The following GATA4 variants were observed in gnomAD, a reference collection of about 807,000 sequenced individuals.
GATA4 encodes the protein transcription factor GATA-4.
A neutral mutation model predicts 37.9 loss-of-function variants in GATA4; 7 were observed. The ratio of observed to expected loss-of-function variants is 0.18; its 90% CI spans 0.11 to 0.35. GATA4 has a LOEUF of 0.35. Among genes scored for constraint, GATA4 ranks in the 10% least tolerant of loss-of-function variants. The probability of loss-of-function intolerance (pLI) is 1.00; values close to 1 mark genes in which losing one functional copy is unlikely to be tolerated. For missense variants in GATA4, 647 were observed against 653.0 expected (o/e 0.99, Z 0.10); for synonymous variants, 372 against 292.6 (o/e 1.27, Z -2.77).
chr8:11,755,259 C>A (rs1802499078), intron 5 of GATA4, 126 bp downstream of exon 5: 2 of 736,172 alleles, frequency 2.7e-6, no homozygotes. Flanking sequence ...CATCGGACAT[C>A]CCTGGCCTTT....
At chr8:11,725,832 A>T (rs905120272) in intron 2 of GATA4, among the ~76,000 whole-genome samples, 1 of 152,180 alleles carries the variant, frequency 6.6e-6, no homozygotes, top group African/African-American at 2.4e-5. Context: ...AGTGCATGAA[A>T]GCCAGTGGCG....
At chr8:11,680,533 G>A in intron 1 of GATA4, 3 of 985,464 alleles carry the variant, frequency 3.0e-6, no homozygotes, top group Non-Finnish European at 3.6e-6. Flanking sequence ...GACGGGTGTC[G>A]CGCCGACGTC....
At chr8:11,750,444 A>G (rs1457449140) in intron 4 of GATA4, among the ~76,000 whole-genome samples, 1 of 152,232 alleles carries the variant, frequency 6.6e-6, no homozygotes, top group Non-Finnish European at 1.5e-5. Context: ...AGCAGGCTAC[A>G]TTTATATGTA....
At chr8:11,740,914 A>G (rs973153347) in intron 2 of GATA4, among the ~76,000 whole-genome samples, 1 of 151,962 alleles carries the variant, frequency 6.6e-6, no homozygotes, top group Non-Finnish European at 1.5e-5. Context: ...TTATATTTTT[A>G]GTAGAGACAG....
intron 2 of GATA4, among the ~76,000 whole-genome samples, chr8:11,738,734 C>T (rs1362980332): frequency 2.0e-5 from 3 of 152,216 alleles, no homozygotes; most frequent in East Asian, 1.9e-4. Flanking sequence ...CCACTGGCTG[C>T]GGGGCTGTAG....
At chr8:11,734,707 C>T (rs1397527938) in intron 2 of GATA4, among the ~76,000 whole-genome samples, 1 of 152,132 alleles carries the variant, frequency 6.6e-6, no homozygotes, top group Non-Finnish European at 1.5e-5. Context: ...TCAGTCTGGT[C>T]TCGAACTCTT....
intron 2 of GATA4, among the ~76,000 whole-genome samples, chr8:11,713,650 G>GA (rs905497305): frequency 6.7e-6 from 1 of 150,074 alleles, no homozygotes; most frequent in Non-Finnish European, 1.5e-5. Flanking sequence ...AAAAAAAAAA[G>GA]AAAAAAAAGA....
chr8:11,746,452 T>C (rs899743906), intron 2 of GATA4, among the ~76,000 whole-genome samples: 2 of 152,172 alleles, frequency 1.3e-5, no homozygotes, highest in African/African-American at 2.4e-5. Context: ...ACAAGGCCTC[T>C]ATGTCCAAGT....
At chr8:11,697,998 C>A (rs1372430336) in intron 1 of GATA4, 2 of 985,348 alleles carry the variant, frequency 2.0e-6, no homozygotes, top group Non-Finnish European at 2.4e-6. Flanking sequence ...CTGTCCTCCC[C>A]GGGAGCTGGG....
chr8:11,695,809 G>A (rs760726398), intron 1 of GATA4, among the ~76,000 whole-genome samples: 2 of 152,156 alleles, frequency 1.3e-5, no homozygotes, highest in Non-Finnish European at 2.9e-5. Context: ...GTGCACCGGC[G>A]CTCGTATGTT....
At chr8:11,678,469 T>C (rs1173308107) in intron 1 of GATA4, among the ~76,000 whole-genome samples, 2 of 152,246 alleles carry the variant, frequency 1.3e-5, no homozygotes, top group African/African-American at 4.8e-5. Flanking sequence ...TTACCCTTGC[T>C]AATGTTTTCC....
At position 11,716,572 on chromosome 8, in the gene GATA4, T is replaced by C. The variant is rs1051943287; in HGVS notation, c.616+7644T>C. The stretch of plus-strand genomic sequence containing the variant: ...GAGAGGGGGAAATCTCTACTCCTGG[T>C]CTCAGTGCTGGTAGTGGATCTAAAT... On this transcript the variant is annotated intron_variant, in intron 2 of 6. Transcript: ENST00000532059. 1.4e-4 allele frequency among the ~76,000 whole-genome samples: 21 copies of C among 152,210 alleles called. 1 individual carries two copies. Among genetic ancestry groups the C allele is most frequent in the African/African-American group, 4.8e-4 (20 of 41,454 alleles).
chr8:11,714,098 C>T (rs1461238353), intron 2 of GATA4, among the ~76,000 whole-genome samples: 4 of 152,008 alleles, frequency 2.6e-5, no homozygotes, highest in East Asian at 1.9e-4. Flanking sequence ...TATGCCTTGA[C>T]GGATATATGG....
At chr8:11,724,294 T>A (rs150501293) in intron 2 of GATA4, among the ~76,000 whole-genome samples, 14 of 152,338 alleles carry the variant, frequency 9.2e-5, no homozygotes, top group Non-Finnish European at 1.9e-4. Flanking sequence ...CAAATATCTA[T>A]TCACCTCCCT....
In GATA4 at chr8:11,755,236, G is replaced by T. The variant is rs113049875; in HGVS notation, c.1000+103G>T. 6.6e-4 allele frequency: 604 copies of T among 914,874 alleles called. 7 individuals are homozygous for T. The highest frequency in any genetic ancestry group is 5.5e-3 in the South Asian group (400 of 72,356). The allele number at this position is 914,874 out of a possible 1,614,324, so 56.7% of individuals were successfully genotyped here. ...TAGGCAGGCCAGCCCGGGCCGCCAGGGGGTGGTGACAGCATCGGACATCCC... is the reference window on the plus strand; with the variant it reads ...TAGGCAGGCCAGCCCGGGCCGCCAGTGGGTGGTGACAGCATCGGACATCCC... On this transcript the variant is annotated intron_variant, in intron 5 of 6. Coordinates refer to ENST00000532059, the MANE Select transcript of GATA4 (RefSeq NM_001308093.3).
At chr8:11,718,250 G>A (rs1293156875) in intron 2 of GATA4, among the ~76,000 whole-genome samples, 2 of 152,204 alleles carry the variant, frequency 1.3e-5, no homozygotes, top group African/African-American at 4.8e-5. Context: ...CTTGTTTCTG[G>A]CAGGTGGCCT....
intron 1 of GATA4, chr8:11,697,845 G>A (rs1227822734): frequency 2.2e-5 from 22 of 985,484 alleles, no homozygotes; most frequent in Middle Eastern, 1.0e-3. Context: ...ACCACGGGGC[G>A]GAGGAGGGAG....
intron 2 of GATA4, among the ~76,000 whole-genome samples, chr8:11,746,815 T>TA (rs2130296772): frequency 6.6e-6 from 1 of 152,260 alleles, no homozygotes; most frequent in Admixed American, 6.5e-5. Context: ...GACCCAGGTG[T>TA]AAAAATAGCC....
chr8:11,703,424 C>T (rs1221080056), upstream of GATA4, among the ~76,000 whole-genome samples: 3 of 152,090 alleles, frequency 2.0e-5, no homozygotes, highest in Non-Finnish European at 4.4e-5. Context: ...CTGGAAGAGC[C>T]CCCTCCATGA....
Sources: allele counts gnomAD v4.1 joint callset (sites outside exome capture counted in the v4.1 genomes callset), GRCh38; gene constraint gnomAD v4.1.1; transcripts MANE v1.5; gene names NCBI Gene and HGNC (gene_info 2026-07-23, HGNC 2026-07-21).